SIL1: variants seen among roughly 807,000 people sequenced by gnomAD.
SIL1 encodes the protein nucleotide exchange factor SIL1.
A neutral mutation model predicts 49.1 loss-of-function variants in SIL1; 40 were observed. That is an observed-to-expected ratio of 0.81 (90% CI 0.63 to 1.06). The LOEUF (loss-of-function observed/expected upper bound fraction) is 1.06, where lower values mean the gene tolerates loss of function less well. Among genes scored for constraint, SIL1 ranks in the 50% least tolerant of loss-of-function variants. The pLI is 0.00. For synonymous variants in SIL1, 253 were observed against 250.8 expected (o/e 1.01, Z -0.08); for missense variants, 500 against 572.6 (o/e 0.87, Z 1.29).
At chr5:139,116,898 A>G (rs942355239) in intron 3 of SIL1, among the ~76,000 whole-genome samples, 1 of 152,366 alleles carries the variant, frequency 6.6e-6, no homozygotes, top group East Asian at 1.9e-4. Flanking sequence ...ATCTCTGCGA[A>G]GTAGGTATTA....
In SIL1 at chr5:138,951,801, G is replaced by C; in HGVS notation, c.851C>G (p.Thr284Ser). The C allele has an allele frequency of 6.2e-7, 1 of 1,614,072 alleles. No individual in the cohort carries two copies. Among genetic ancestry groups the C allele is most frequent in the Non-Finnish European group, 8.5e-7 (1 of 1,179,994 alleles). Residue 284 changes from threonine (T) to serine (S), a missense_variant, in exon 8 of 10, where the codon ACT becomes AGT. Transcript: ENST00000394817. ...LVILATEQPL[T>S]AKKKVLFALC... ...ATGGAAACACACCTTCTTCTTTGCA[G>C]TGAGCGGCTGCTCCGTGGCCAGGAT... is the stretch of plus-strand genomic sequence containing the variant.
At chr5:139,127,648 C>T in intron 2 of SIL1, 91 bp downstream of exon 2, 1 of 1,021,464 alleles carries the variant, frequency 9.8e-7, no homozygotes, top group South Asian at 1.4e-5. Flanking sequence ...ACATAGAAGC[C>T]CACACCCTAC....
intron 3 of SIL1, among the ~76,000 whole-genome samples, chr5:139,113,414 C>G (rs1770920199): frequency 6.6e-6 from 1 of 152,044 alleles, no homozygotes; most frequent in Non-Finnish European, 1.5e-5. Context: ...TGGCCCCCAC[C>G]TCTGACAGAG....
At chr5:139,021,631 T>G (rs1768530513) in intron 6 of SIL1, among the ~76,000 whole-genome samples, 1 of 152,206 alleles carries the variant, frequency 6.6e-6, no homozygotes, top group Non-Finnish European at 1.5e-5. Context: ...ACAAAGAATC[T>G]GGCGTCATCA....
chr5:138,964,557 T>C (rs899250961), intron 7 of SIL1, among the ~76,000 whole-genome samples: 8 of 152,238 alleles, frequency 5.3e-5, no homozygotes, highest in Admixed American at 2.6e-4. Flanking sequence ...ACAGACTCTT[T>C]TAACTCTATT....
rs1394538684 is a variant in SIL1 at position 139,040,487 on chromosome 5, TTTTCTTTTTTC to T, written c.453+2122_453+2132del. Among the ~76,000 whole-genome samples, 25 of 109,098 alleles carry T rather than the reference TTTTCTTTTTTC, an allele frequency of 2.3e-4. 3 individuals are homozygous for T. The highest frequency in any genetic ancestry group is 9.9e-4 in the African/African-American group (22 of 22,174). 71.6% of individuals were successfully genotyped at this position (109,098 alleles called of 152,430 possible). A position where few individuals can be genotyped will look rare whatever the true frequency, so the allele number is the denominator to read the frequency against. On this transcript the variant is annotated intron_variant, in intron 5 of 9. Coordinates refer to ENST00000394817, the MANE Select transcript of SIL1 (RefSeq NM_022464.5). Reference sequence around the variant, plus strand: ...CAAGGGGAGAGGAGTATTTTTTCTTTTTTCTTTTTTCTTTTTTTTTTTTTTTTTGAGACAGA... The same window carrying T: ...CAAGGGGAGAGGAGTATTTTTTCTTTTTTTTTTTTTTTTTTTTGAGACAGA...
Position 139,002,149 on chromosome 5 carries a change from G to T in SIL1, c.767+19022C>A, listed in dbSNP as rs1767999815. On this transcript the variant is annotated intron_variant, in intron 7 of 9. Transcript: ENST00000394817. ...TTGCTTGAACCCAGGAGGTCGGGCTGCAGTGAACCAAGATCATGCCACTGC... is the reference window on the plus strand; with the variant it reads ...TTGCTTGAACCCAGGAGGTCGGGCTTCAGTGAACCAAGATCATGCCACTGC... Among the ~76,000 whole-genome samples the T allele has an allele frequency of 2.0e-5, 3 of 151,510 alleles. No homozygotes were observed. In the South Asian group the frequency reaches 6.3e-4, roughly 32 times the overall value.
chr5:138,994,951 A>G (rs1241510827), intron 7 of SIL1, among the ~76,000 whole-genome samples: 2 of 152,158 alleles, frequency 1.3e-5, no homozygotes, highest in South Asian at 4.1e-4. Flanking sequence ...TATAAGTGAT[A>G]ATATGTGGTG....
chr5:139,132,430 T>A (rs530612173), intron 1 of SIL1, among the ~76,000 whole-genome samples: 6 of 152,370 alleles, frequency 3.9e-5, no homozygotes, highest in African/African-American at 1.2e-4. Flanking sequence ...GGATCCTTCA[T>A]CTTCCCTCAA....
At position 139,090,844 on chromosome 5, in the gene SIL1, C is replaced by T. The variant is rs558391948; in HGVS notation, c.244+30191G>A. 5.9e-5 allele frequency among the ~76,000 whole-genome samples: 9 copies of T among 152,218 alleles called. No individual in the cohort carries two copies. In the East Asian group the frequency reaches 1.5e-3, roughly 26 times the overall value. ...TGGTCTCAAATACCTGGCTTCAATC[C>T]ATCTGCCCACCTCAGCCTCCCAAAG... On this transcript the variant is annotated intron_variant, in intron 3 of 9. Transcript: ENST00000394817.
intron 7 of SIL1, among the ~76,000 whole-genome samples, chr5:138,994,954 A>G (rs576232417): frequency 6.6e-6 from 1 of 152,140 alleles, no homozygotes. Context: ...AAGTGATAAT[A>G]TGTGGTGTTT....
intron 7 of SIL1, among the ~76,000 whole-genome samples, chr5:139,011,281 T>A (rs1246237739): frequency 1.3e-5 from 2 of 152,118 alleles, no homozygotes; most frequent in African/African-American, 4.8e-5. Flanking sequence ...CCTGACCCCT[T>A]GCGCTTCCCA....
At chr5:139,166,124 T>C (rs1382828384) in intron 1 of SIL1, among the ~76,000 whole-genome samples, 1 of 152,108 alleles carries the variant, frequency 6.6e-6, no homozygotes, top group Non-Finnish European at 1.5e-5. Flanking sequence ...CTCTAAAAAA[T>C]ATTTTACAGA....
At chr5:139,106,455 A>G (rs1400300217) in intron 3 of SIL1, among the ~76,000 whole-genome samples, 6 of 152,246 alleles carry the variant, frequency 3.9e-5, no homozygotes, top group East Asian at 3.8e-4. Flanking sequence ...AGTAATCCAC[A>G]TACATCCCAA....
At chr5:139,084,730 C>T (rs1770172582) in intron 3 of SIL1, among the ~76,000 whole-genome samples, 1 of 146,692 alleles carries the variant, frequency 6.8e-6, no homozygotes, top group Admixed American at 6.8e-5. Flanking sequence ...CACATGTATA[C>T]ATATGTAACT....
chr5:139,158,786 C>T (rs1751452109), intron 1 of SIL1, among the ~76,000 whole-genome samples: 2 of 152,044 alleles, frequency 1.3e-5, no homozygotes, highest in African/African-American at 2.4e-5. Flanking sequence ...ATTATGTATC[C>T]GCAGGTTCTA....
intron 1 of SIL1, among the ~76,000 whole-genome samples, chr5:139,191,859 G>A (rs930992549): frequency 1.3e-5 from 2 of 151,902 alleles, no homozygotes; most frequent in Non-Finnish European, 2.9e-5. Context: ...GGCAGATCTC[G>A]AGGCCAGGAG....
At chr5:139,127,116 C>T (rs1750769663) in intron 2 of SIL1, among the ~76,000 whole-genome samples, 1 of 152,148 alleles carries the variant, frequency 6.6e-6, no homozygotes, top group African/African-American at 2.4e-5. Context: ...TGGCAGAAGC[C>T]CTGAGCAGTA....
chr5:139,040,462 C>T (rs1581051548), intron 5 of SIL1, among the ~76,000 whole-genome samples: 1 of 147,322 alleles, frequency 6.8e-6, no homozygotes, highest in African/African-American at 2.6e-5. Flanking sequence ...GATCCCCTTG[C>T]AAGGGGAGAG....
Sources: allele counts gnomAD v4.1 joint callset (sites outside exome capture counted in the v4.1 genomes callset), GRCh38; gene constraint gnomAD v4.1.1; transcripts MANE v1.5; gene names NCBI Gene and HGNC (gene_info 2026-07-23, HGNC 2026-07-21).